Variants in RBFOX1 observed in about 807,000 individuals in gnomAD.
The protein encoded by RBFOX1 is RNA binding fox-1 homolog 1.
In RBFOX1, 8 loss-of-function variants were observed where a neutral mutation model predicts 57.7. The observed-to-expected ratio is 0.14, with a 90% confidence interval of 0.08 to 0.25. RBFOX1 has a LOEUF of 0.25. Ranked by LOEUF, RBFOX1 falls within the 10% of genes least tolerant of loss-of-function variation. The pLI is 1.00. For synonymous variants in RBFOX1, 326 were observed against 222.4 expected, an observed-to-expected ratio of 1.47 and a Z score of -4.15; for missense variants, 611 against 548.5, an observed-to-expected ratio of 1.11 and a Z score of -1.14.
intron 4 of RBFOX1, among the ~76,000 whole-genome samples, chr16:7,390,035 A>G (rs1441071399): frequency 6.6e-6 from 1 of 152,204 alleles, no homozygotes; most frequent in African/African-American, 2.4e-5. Flanking sequence ...TAATCATGGC[A>G]GAAGGTGAAA....
intron 14 of RBFOX1, among the ~76,000 whole-genome samples, chr16:7,698,224 G>A (rs1306768566): frequency 2.0e-5 from 3 of 149,818 alleles, no homozygotes; most frequent in Middle Eastern, 3.4e-3. Context: ...GTATAAAGGG[G>A]GTAGGTGGAG....
At chr16:7,311,377 G>A (rs2142618888) in intron 4 of RBFOX1, among the ~76,000 whole-genome samples, 1 of 151,998 alleles carries the variant, frequency 6.6e-6, no homozygotes, top group African/African-American at 2.4e-5. Context: ...CCCCTTTTGT[G>A]GCCATAGAAC....
rs577892327 is a variant in RBFOX1, at chr16:7,664,842, G to C, written c.891-87G>C. 2.5e-6 allele frequency: 4 copies of C among 1,610,808 alleles called. No individual in the cohort carries two copies. The African/African-American group carries it at 4.0e-5, about 16-fold the overall frequency. On this transcript the variant is annotated intron_variant, in intron 12 of 15. Transcript: ENST00000550418. ...TCCTGTGTTTTGGATCTTGTGACCA[G>C]ACTAACCTCGCCAGTGCAGGGGTTG...
At chr16:5,754,096 T>C (rs997257532) in intron 3 of RBFOX1, among the ~76,000 whole-genome samples, 2 of 152,192 alleles carry the variant, frequency 1.3e-5, no homozygotes, top group Non-Finnish European at 2.9e-5. Context: ...GTGGGAATAT[T>C]AGGGGCTTTT....
intron 4 of RBFOX1, among the ~76,000 whole-genome samples, chr16:7,265,535 G>T (rs2095095389): frequency 6.6e-6 from 1 of 152,036 alleles, no homozygotes; most frequent in South Asian, 2.1e-4. Context: ...TGTAACCTCC[G>T]CCTCCCGTGT....
intron 1 of RBFOX1, among the ~76,000 whole-genome samples, chr16:5,447,921 C>T (rs991725422): frequency 4.6e-5 from 7 of 152,192 alleles, no homozygotes; most frequent in Non-Finnish European, 1.0e-4. Flanking sequence ...GGCCTTTTCC[C>T]ACTCATTCTG....
chr16:7,449,714 ATGTG>A (rs777294270), intron 4 of RBFOX1, among the ~76,000 whole-genome samples: 5 of 93,330 alleles, frequency 5.4e-5, no homozygotes, highest in African/African-American at 2.1e-4. Flanking sequence ...AGAAACATGT[ATGTG>A]TGTGTGTGTG....
At chr16:7,087,902 C>T (rs2060232811) in intron 4 of RBFOX1, among the ~76,000 whole-genome samples, 1 of 152,088 alleles carries the variant, frequency 6.6e-6, no homozygotes, top group Non-Finnish European at 1.5e-5. Context: ...CTCTTTCTCT[C>T]TCTCTCTCGC....
rs146974623 is a variant in RBFOX1, at chr16:5,871,553, A to G, written c.351+4218A>G. ...ATTTCCCCCCTATTTATCGTCACGC[A>G]GCTTGCCCTGCTGAGAGAGAACGAA... is the stretch of plus-strand genomic sequence containing the variant. On this transcript the variant is annotated intron_variant, in intron 4 of 19. Coordinates refer to the RBFOX1 transcript ENST00000641259. Among the ~76,000 whole-genome samples the G allele has an allele frequency of 5.1e-3, 781 of 152,230 alleles. 1 individual carries two copies. The highest frequency in any genetic ancestry group is 0.014 in the Middle Eastern group (4 of 294).
At chr16:7,119,299 G>C (rs192991984) in intron 4 of RBFOX1, among the ~76,000 whole-genome samples, 1 of 152,174 alleles carries the variant, frequency 6.6e-6, no homozygotes. Context: ...ACTATCCTCA[G>C]GTTTCCCTAT....
intron 3 of RBFOX1, among the ~76,000 whole-genome samples, chr16:7,027,991 C>G (rs543669956): frequency 1.7e-4 from 26 of 151,248 alleles, no homozygotes; most frequent in Non-Finnish European, 2.8e-4. Context: ...GGACGAAAGG[C>G]AAGAAGGAAG....
intron 1 of RBFOX1, among the ~76,000 whole-genome samples, chr16:5,372,821 A>G (rs1434646714): frequency 1.3e-5 from 2 of 152,216 alleles, no homozygotes; most frequent in Non-Finnish European, 2.9e-5. Flanking sequence ...GACCCGCACA[A>G]TACCATCTCA....
intron 4 of RBFOX1, among the ~76,000 whole-genome samples, chr16:7,094,328 A>C (rs2061342174): frequency 6.6e-6 from 1 of 152,140 alleles, no homozygotes; most frequent in Non-Finnish European, 1.5e-5. Flanking sequence ...AAGGAACATG[A>C]AGCTTTTAGG....
intron 1 of RBFOX1, among the ~76,000 whole-genome samples, chr16:5,378,786 C>A (rs751240086): frequency 1.3e-5 from 2 of 151,498 alleles, no homozygotes; most frequent in Admixed American, 1.3e-4. Flanking sequence ...CCCATCTCAT[C>A]CTTGTAAAGT....
chr16:7,263,219 A>C (rs1342923911), intron 4 of RBFOX1, among the ~76,000 whole-genome samples: 1 of 152,148 alleles, frequency 6.6e-6, no homozygotes, highest in Non-Finnish European at 1.5e-5. Context: ...TACTTTGCTC[A>C]GGATATTCAG....
chr16:5,405,759 C>A (rs2066847873), intron 1 of RBFOX1, among the ~76,000 whole-genome samples: 1 of 152,232 alleles, frequency 6.6e-6, no homozygotes, highest in East Asian at 1.9e-4. Context: ...TAATCCCTTT[C>A]CCTTGGCCAG....
intron 10 of RBFOX1, among the ~76,000 whole-genome samples, chr16:7,623,348 T>G (rs1406611229): frequency 6.6e-6 from 1 of 152,224 alleles, no homozygotes; most frequent in African/African-American, 2.4e-5. Context: ...GAATTAATTA[T>G]ACAACTTGCC....
At chr16:6,318,155 G>GTGTATTA (rs59516376) in intron 2 of RBFOX1, among the ~76,000 whole-genome samples, 23,081 of 152,138 alleles carry the variant, frequency 0.15, 2,133 homozygotes, top group South Asian at 0.27. Context: ...TAAAAAGATG[G>GTGTATTA]TGTATTAGCT....
chr16:7,036,521 T>A (rs1239207014), intron 3 of RBFOX1, among the ~76,000 whole-genome samples: 4 of 151,646 alleles, frequency 2.6e-5, no homozygotes, highest in Non-Finnish European at 5.9e-5. Context: ...CCAGCCTGGG[T>A]GTCTGTACTA....
Sources: allele counts gnomAD v4.1 joint callset (sites outside exome capture counted in the v4.1 genomes callset), GRCh38; gene constraint gnomAD v4.1.1; transcripts MANE v1.5; gene names NCBI Gene and HGNC (gene_info 2026-07-23, HGNC 2026-07-21).